Variants in AFF1 observed in about 807,000 individuals in gnomAD.
The protein encoded by AFF1 is AF4/FMR2 family member 1.
Under a neutral mutation model 121.7 loss-of-function variants are expected in AFF1, and 48 were observed. That is an observed-to-expected ratio of 0.39 (90% CI 0.31 to 0.50). AFF1 has a LOEUF of 0.50. AFF1 is among the 20% of genes least tolerant of loss of function. The pLI is 0.76. For missense variants in AFF1, 1,523 were observed against 1,511.7 expected (o/e 1.01, Z -0.12); for synonymous variants, 613 against 563.0 (o/e 1.09, Z -1.26).
At chr4:87,126,516 A>G (rs1197068688) in intron 14 of AFF1, among the ~76,000 whole-genome samples, 180 bp downstream of exon 14, 1 of 152,198 alleles carries the variant, frequency 6.6e-6, no homozygotes, top group Non-Finnish European at 1.5e-5. Flanking sequence ...ATAATACACA[A>G]AGATTTAGGT....
chr4:87,126,582 G>A (rs1449355531), intron 14 of AFF1, among the ~76,000 whole-genome samples: 1 of 152,164 alleles, frequency 6.6e-6, no homozygotes, highest in Admixed American at 6.5e-5. Context: ...ATAGATTTTT[G>A]TGCTAGTTTT....
rs755681371 is a variant in AFF1, at chr4:87,131,837, C to T, written c.3146C>T (p.Thr1049Ile). The T allele has an allele frequency of 4.0e-5, 64 of 1,590,040 alleles. No homozygotes were observed. In the South Asian group the frequency reaches 6.1e-4, roughly 15 times the overall value. Residue 1049 changes from threonine to isoleucine, a missense_variant, in exon 18 of 21, where the codon ACA becomes ATA. Coordinates refer to ENST00000395146, the MANE Select transcript of AFF1 (RefSeq NM_001166693.3). ...TCCTTCTCAGATGCCACAGCGCCAA[C>T]ACAAGAGAAAATATTTGCTGTTTTA... ...LKSFSDATAP[T>I]QEKIFAVLCM...
chr4:87,085,343 G>C (rs1290228827), intron 5 of AFF1, among the ~76,000 whole-genome samples: 2 of 150,178 alleles, frequency 1.3e-5, no homozygotes, highest in Admixed American at 6.6e-5. Context: ...AGGGTTTTGT[G>C]TATTTTTTAT....
At chr4:87,112,718 T>C (rs1331319308) in intron 11 of AFF1, among the ~76,000 whole-genome samples, 1 of 152,176 alleles carries the variant, frequency 6.6e-6, no homozygotes, top group Admixed American at 6.5e-5. Flanking sequence ...TCTACCGGAG[T>C]GTTCTCCTTA....
At chr4:87,013,760 T>C (rs1047929658) in intron 2 of AFF1, among the ~76,000 whole-genome samples, 4 of 151,612 alleles carry the variant, frequency 2.6e-5, no homozygotes, top group Non-Finnish European at 5.9e-5. Flanking sequence ...TATGGTCATA[T>C]GAGGTTCAGG....
At chr4:87,097,219 G>A (rs754850816) in intron 8 of AFF1, among the ~76,000 whole-genome samples, 1 of 152,216 alleles carries the variant, frequency 6.6e-6, no homozygotes, top group Non-Finnish European at 1.5e-5. Flanking sequence ...TAAGCATAGA[G>A]GGGAGGAGCT....
At chr4:87,076,904 C>T (rs780756609) in intron 4 of AFF1, among the ~76,000 whole-genome samples, 22 of 152,220 alleles carry the variant, frequency 1.4e-4, no homozygotes, top group Non-Finnish European at 2.9e-4. Context: ...GTAATTTACT[C>T]TGTGTCTATA....
chr4:86,985,507 CAA>C (rs34276113), intron 2 of AFF1, among the ~76,000 whole-genome samples: 8 of 96,458 alleles, frequency 8.3e-5, no homozygotes, highest in Admixed American at 2.2e-4. Context: ...GACACTGTCT[CAA>C]AAAAAAAAAA....
intron 15 of AFF1, 72 bp downstream of exon 15, chr4:87,127,189 C>G: frequency 2.5e-6 from 3 of 1,195,578 alleles, no homozygotes; most frequent in Non-Finnish European, 3.6e-6. Context: ...AAGATAGAGT[C>G]TCACTCTGTC....
At chr4:87,006,432 C>T (rs1249973719) in intron 2 of AFF1, among the ~76,000 whole-genome samples, 1 of 152,188 alleles carries the variant, frequency 6.6e-6, no homozygotes, top group Non-Finnish European at 1.5e-5. Context: ...TGCTTCTTGT[C>T]AATCCCTTCA....
At chr4:86,992,782 G>A (rs896547165) in intron 2 of AFF1, among the ~76,000 whole-genome samples, 1 of 152,196 alleles carries the variant, frequency 6.6e-6, no homozygotes, top group Non-Finnish European at 1.5e-5. Flanking sequence ...TAAACATGAT[G>A]TATAAAATGA....
Position 87,126,097 on chromosome 4 carries a change from A to C in AFF1, c.2574-2A>C. 6.2e-7 allele frequency: 1 copy of C among 1,613,684 alleles called. No homozygotes were observed. Among genetic ancestry groups the C allele is most frequent in the South Asian group, 1.1e-5 (1 of 91,052 alleles). On this transcript the variant is annotated splice_acceptor_variant, in intron 13 of 20. Coordinates refer to ENST00000395146, the MANE Select transcript of AFF1 (RefSeq NM_001166693.3). LOFTEE classifies it high-confidence loss of function. Reference sequence around the variant, plus strand: ...TTAGTTTTACGTGATGTTTCACTCCAGGCCCTCCAGGCCCTCCTCACAGTC... The same window carrying C: ...TTAGTTTTACGTGATGTTTCACTCCCGGCCCTCCAGGCCCTCCTCACAGTC...
chr4:87,068,481 A>G (rs933264018), intron 4 of AFF1, among the ~76,000 whole-genome samples: 9 of 152,216 alleles, frequency 5.9e-5, no homozygotes, highest in African/African-American at 2.2e-4. Flanking sequence ...AGATTTTTCC[A>G]TCAGCCTTGA....
chr4:86,945,497 ATTTTTTTTTT>A (rs34305215), intron 1 of AFF1, among the ~76,000 whole-genome samples: 3 of 86,630 alleles, frequency 3.5e-5, no homozygotes, highest in African/African-American at 5.2e-5. Flanking sequence ...GCCTTTCCCA[ATTTTTTTTTT>A]TTTTTTTTTT....
chr4:86,937,743 G>A (rs532876369), intron 1 of AFF1, among the ~76,000 whole-genome samples: 5 of 139,624 alleles, frequency 3.6e-5, no homozygotes, highest in South Asian at 2.6e-4. Context: ...CACCATGCCC[G>A]GCTAATTTAA....
At chr4:87,026,162 G>A (rs1333105028) in intron 2 of AFF1, among the ~76,000 whole-genome samples, 1 of 149,980 alleles carries the variant, frequency 6.7e-6, no homozygotes, top group Non-Finnish European at 1.5e-5. Context: ...CTGACACCAT[G>A]CCATTGCACT....
intron 2 of AFF1, among the ~76,000 whole-genome samples, chr4:87,017,072 T>C (rs1265610484): frequency 1.3e-5 from 2 of 149,094 alleles, no homozygotes; most frequent in African/African-American, 2.5e-5. Flanking sequence ...CATATATATA[T>C]GTGTGTGTGT....
In AFF1 at chr4:87,127,169, C is replaced by CCT. The variant is rs771695669; in HGVS notation, c.2903+53_2903+54insTC. On this transcript the variant is annotated intron_variant, in intron 15 of 20. Coordinates refer to ENST00000395146, the MANE Select transcript of AFF1 (RefSeq NM_001166693.3). Reference sequence around the variant, plus strand: ...CTCTGTTTTGTTTTGTTTTGCTTCCCCCCCCCACCAAGATAGAGTCTCACT... The same window carrying CCT: ...CTCTGTTTTGTTTTGTTTTGCTTCCCCTCCCCCCACCAAGATAGAGTCTCACT... The CCT allele has an allele frequency of 2.3e-5, 29 of 1,282,968 alleles. 3 individuals carry two copies. Among genetic ancestry groups the CCT allele is most frequent in the South Asian group, 1.8e-4 (15 of 83,342 alleles). The allele number at this position is 1,282,968 out of a possible 1,614,324, so 79.5% of individuals were successfully genotyped here.
intron 2 of AFF1, among the ~76,000 whole-genome samples, chr4:86,983,029 T>C (rs1305604168): frequency 2.0e-5 from 3 of 152,078 alleles, no homozygotes; most frequent in South Asian, 2.1e-4. Context: ...TTCTGTTGTT[T>C]ATAAGCAAGC....
Sources: allele counts gnomAD v4.1 joint callset (sites outside exome capture counted in the v4.1 genomes callset), GRCh38; gene constraint gnomAD v4.1.1; transcripts MANE v1.5; gene names NCBI Gene and HGNC (gene_info 2026-07-23, HGNC 2026-07-21).